NIM1K: variants seen among roughly 807,000 people sequenced by gnomAD.
NIM1K encodes the protein serine/threonine-protein kinase NIM1.
A neutral mutation model predicts 37.1 loss-of-function variants in NIM1K; 35 were observed. That is an observed-to-expected ratio of 0.94 (90% CI 0.72 to 1.25). The LOEUF is 1.25. Among genes scored for constraint, NIM1K ranks in the 50% most tolerant of loss-of-function variants. NIM1K has a pLI of 0.00. For missense variants in NIM1K, 564 were observed against 548.0 expected, an observed-to-expected ratio of 1.03 and a Z score of -0.29; for synonymous variants, 234 against 206.6, an observed-to-expected ratio of 1.13 and a Z score of -1.14.
intron 2 of NIM1K, among the ~76,000 whole-genome samples, chr5:43,253,215 T>TAATATATAATATAATATATAATATA (rs1468421641): frequency 2.2e-3 from 46 of 20,716 alleles, no homozygotes; most frequent in African/African-American, 5.1e-3. Flanking sequence ...ATAATATATG[T>TAATATATAATATAATATATAATATA]GTGTGTGTGT....
intron 1 of NIM1K, among the ~76,000 whole-genome samples, chr5:43,204,756 G>A (rs566902717): frequency 3.4e-5 from 5 of 147,138 alleles, no homozygotes; most frequent in East Asian, 2.0e-4. Flanking sequence ...CCTGTAATCC[G>A]AGCACTTTGG....
intron 1 of NIM1K, among the ~76,000 whole-genome samples, chr5:43,211,306 A>G (rs538052937): frequency 5.8e-4 from 88 of 152,338 alleles, no homozygotes; most frequent in Admixed American, 2.4e-3. Context: ...TAACTTGTAA[A>G]TAGGTCTCTT....
At chr5:43,228,889 C>A (rs1752498463) in intron 1 of NIM1K, among the ~76,000 whole-genome samples, 2 of 151,914 alleles carry the variant, frequency 1.3e-5, no homozygotes, top group African/African-American at 4.8e-5. Flanking sequence ...ACATATAAAG[C>A]AAAACGAATT....
chr5:43,207,045 C>T, intron 1 of NIM1K: 1 of 731,982 alleles, frequency 1.4e-6, no homozygotes, highest in East Asian at 2.5e-5. Context: ...GAGGAGGAGC[C>T]ATCAACAGAT....
chr5:43,223,962 C>G (rs188312827), intron 1 of NIM1K, among the ~76,000 whole-genome samples: 54 of 90,466 alleles, frequency 6.0e-4, no homozygotes, highest in African/African-American at 2.2e-3. Flanking sequence ...AAAATAGCAG[C>G]ATCATGAAAG....
intron 1 of NIM1K, chr5:43,233,046 C>T: frequency 7.7e-7 from 1 of 1,296,612 alleles, no homozygotes; most frequent in Non-Finnish European, 1.1e-6. Context: ...CATCTCCTCC[C>T]CGAGTGGTCT....
At position 43,247,306 on chromosome 5, in the gene NIM1K, C is replaced by A. The variant is rs376926047; in HGVS notation, c.292+1239C>A. 5.3e-5 allele frequency among the ~76,000 whole-genome samples: 8 copies of A among 152,158 alleles called. No individual in the cohort carries two copies. The East Asian group carries it at 9.6e-4, about 18-fold the overall frequency. On this transcript the variant is annotated intron_variant, in intron 2 of 3. Coordinates refer to ENST00000326035, the MANE Select transcript of NIM1K (RefSeq NM_153361.4). Reference sequence around the variant, plus strand: ...ACAATACTTGTCTGAGCCTTAGATACTTCATTTATAAAATGCAGCCAATAA... The same window carrying A: ...ACAATACTTGTCTGAGCCTTAGATAATTCATTTATAAAATGCAGCCAATAA...
intron 1 of NIM1K, among the ~76,000 whole-genome samples, chr5:43,197,028 C>T (rs1327538490): frequency 2.0e-5 from 3 of 149,448 alleles, no homozygotes; most frequent in African/African-American, 7.4e-5. Flanking sequence ...TCAAGCAATC[C>T]TCTCACTTTG....
At chr5:43,276,604 G>A (rs1244237170) in intron 2 of NIM1K, among the ~76,000 whole-genome samples, 3 of 152,250 alleles carry the variant, frequency 2.0e-5, no homozygotes, top group African/African-American at 7.2e-5. Context: ...AAGGAATGAT[G>A]GAGAGAATGA....
At chr5:43,203,277 C>A (rs7704132) in intron 1 of NIM1K, among the ~76,000 whole-genome samples, 68,713 of 152,012 alleles carry the variant, frequency 0.45, 16,032 homozygotes, top group African/African-American at 0.48. Flanking sequence ...CCTAAAGCTG[C>A]CTCCCTACAT....
chr5:43,280,042 T>C lies in NIM1K; in HGVS notation c.624T>C (p.Thr208=), dbSNP rs986981838. Residue 208 remains threonine, a synonymous_variant, in exon 4 of 4, where the codon ACT becomes ACC. Coordinates refer to ENST00000326035, the MANE Select transcript of NIM1K (RefSeq NM_153361.4). ...AAAATGTATTCTATACCAGTAATAC[T>C]TGTGTGAAGGTGGGCGATTTTGGAT... ...KAENVFYTSN[T]CVKVGDFGFS... The C allele has an allele frequency of 2.1e-5, 34 of 1,614,110 alleles. No individual in the cohort carries two copies. The highest frequency in any genetic ancestry group is 2.6e-5 in the Non-Finnish European group (31 of 1,179,972).
chr5:43,251,108 C>A (rs1369362703), intron 2 of NIM1K, among the ~76,000 whole-genome samples: 1 of 152,136 alleles, frequency 6.6e-6, no homozygotes, highest in Non-Finnish European at 1.5e-5. Context: ...ATTGCTATAA[C>A]TTTACTTTTT....
At chr5:43,250,478 G>T (rs2112268717) in intron 2 of NIM1K, among the ~76,000 whole-genome samples, 1 of 152,220 alleles carries the variant, frequency 6.6e-6, no homozygotes, top group Non-Finnish European at 1.5e-5. Flanking sequence ...ATTCCTAGAA[G>T]TTAGCTGTCT....
At chr5:43,202,757 G>C (rs1348852047) in intron 1 of NIM1K, among the ~76,000 whole-genome samples, 1 of 142,698 alleles carries the variant, frequency 7.0e-6, no homozygotes, top group Non-Finnish European at 1.6e-5. Context: ...TGTGAAAACG[G>C]GTGTGCTGGA....
chr5:43,262,486 A>G (rs1561091108), intron 2 of NIM1K, among the ~76,000 whole-genome samples: 1 of 152,170 alleles, frequency 6.6e-6, no homozygotes, highest in African/African-American at 2.4e-5. Flanking sequence ...GAAGTTCTTT[A>G]TCAGCTTAAG....
intron 2 of NIM1K, among the ~76,000 whole-genome samples, chr5:43,264,277 T>A (rs548985181): frequency 1.3e-5 from 2 of 152,286 alleles, no homozygotes; most frequent in South Asian, 4.1e-4. Flanking sequence ...TAGGTCTCTA[T>A]GGACTTGTTT....
chr5:43,236,087 C>T (rs962262455), intron 1 of NIM1K, among the ~76,000 whole-genome samples: 1 of 151,966 alleles, frequency 6.6e-6, no homozygotes, highest in African/African-American at 2.4e-5. Flanking sequence ...TCAGCCTGGA[C>T]AACATGGCAA....
chr5:43,218,439 G>GT (rs1752334240), intron 1 of NIM1K, among the ~76,000 whole-genome samples: 6 of 152,174 alleles, frequency 3.9e-5, no homozygotes, highest in Admixed American at 3.9e-4. Context: ...CAAGAAGCAT[G>GT]GTAACATCAT....
intron 2 of NIM1K, among the ~76,000 whole-genome samples, chr5:43,265,673 C>G (rs1753136003): frequency 6.6e-6 from 1 of 152,228 alleles, no homozygotes; most frequent in Non-Finnish European, 1.5e-5. Context: ...TGGCAAGGAG[C>G]TGCATTCCTT....
Sources: gnomAD v4.1 joint callset for allele counts (sites outside exome capture counted in the v4.1 genomes callset) on GRCh38, gnomAD v4.1.1 for gene constraint, MANE v1.5 for transcripts, NCBI Gene and HGNC (gene_info 2026-07-23, HGNC 2026-07-21) for gene names.